Variants in SMARCD2 observed in about 807,000 individuals in gnomAD.
SMARCD2 encodes SWI/SNF-related matrix-associated actin-dependent regulator of chromatin subfamily D member 2.
Under a neutral mutation model 70.4 loss-of-function variants are expected in SMARCD2, and 39 were observed. The ratio of observed to expected loss-of-function variants is 0.55; its 90% CI spans 0.43 to 0.72. SMARCD2 has a LOEUF of 0.72. SMARCD2 is among the 30% of genes least tolerant of loss of function. The pLI is 0.00. For missense variants in SMARCD2, 540 were observed against 713.4 expected, an observed-to-expected ratio of 0.76 and a Z score of 2.77; for synonymous variants, 249 against 279.4, an observed-to-expected ratio of 0.89 and a Z score of 1.08.
chr17:63,834,932 T>A lies in SMARCD2; in HGVS notation c.724-132A>T, dbSNP rs545351238. On this transcript the variant is annotated intron_variant, in intron 5 of 12. Transcript: ENST00000448276. This position sits in a 1 kb window ranked among gnomAD's most constrained non-coding sequence, Gnocchi z 5.6. ...CTGAAGATTCCTGGGCCCTGAAGGA[T>A]GGAAGCAGGACTCTGGGCAGACTGG... 6 of 677,710 alleles carry A rather than the reference T, an allele frequency of 8.9e-6. No individual in the cohort carries two copies. In the East Asian group the frequency reaches 1.6e-4, roughly 18 times the overall value. 42.0% of individuals were successfully genotyped at this position (677,710 alleles called of 1,614,324 possible). A position where few individuals can be genotyped will look rare whatever the true frequency, so the allele number is the denominator to read the frequency against.
Position 63,836,916 on chromosome 17 carries a change from A to T in SMARCD2, c.567+6T>A. On this transcript the variant is annotated splice_donor_region_variant and intron_variant, in intron 4 of 12. Coordinates refer to ENST00000448276, the MANE Select transcript of SMARCD2 (RefSeq NM_001098426.2). ...GAAGGCTAGAGGTGGTCAGGGCCACACATACTGTCAGAGGCTTTTTGATGG... is the reference window on the plus strand; with the variant it reads ...GAAGGCTAGAGGTGGTCAGGGCCACTCATACTGTCAGAGGCTTTTTGATGG... The T allele has an allele frequency of 6.2e-7, 1 of 1,612,544 alleles. No homozygotes were observed. Among genetic ancestry groups the T allele is most frequent in the South Asian group, 1.1e-5 (1 of 91,048 alleles).
rs1481778739 is a variant in SMARCD2, at chr17:63,836,945, C to T, written c.544G>A (p.Glu182Lys). The T allele has an allele frequency of 6.2e-7, 1 of 1,613,888 alleles. No homozygotes were observed. Among genetic ancestry groups the T allele is most frequent in the African/African-American group, 1.3e-5 (1 of 75,052 alleles). The stretch of plus-strand genomic sequence containing the variant: ...ACTGTCAGAGGCTTTTTGATGGCCT[C>T]CTGGATCTCCATCCGCTTGCGAGCA... Reference protein sequence around the residue: ...TIARKRMEIQEAIKKPLTQKR... With the variant: ...TIARKRMEIQKAIKKPLTQKR... Residue 182 changes from glutamate to lysine, a missense_variant, in exon 4 of 13, where the codon GAG becomes AAG. Physicochemically the swap from Glu to Lys is moderately conservative, Grantham distance 56 (BLOSUM62 1). Coordinates refer to ENST00000448276, the MANE Select transcript of SMARCD2 (RefSeq NM_001098426.2).
Position 63,836,518 on chromosome 17 carries a change from A to G in SMARCD2, c.567+404T>C, listed in dbSNP as rs796130294. On this transcript the variant is annotated intron_variant, in intron 4 of 12. Coordinates refer to ENST00000448276, the MANE Select transcript of SMARCD2 (RefSeq NM_001098426.2). The stretch of plus-strand genomic sequence containing the variant: ...CATCTCAGAAAAAAAAAAAAAAAAA[A>G]AAAAGAAAATTTCTCTATGGATGGG... Among the ~76,000 whole-genome samples the G allele has an allele frequency of 8.8e-3, 1,329 of 151,574 alleles. 19 individuals are homozygous for G. Among genetic ancestry groups the G allele is most frequent in the African/African-American group, 0.029 (1,191 of 41,210 alleles).
intron 1 of SMARCD2, among the ~76,000 whole-genome samples, chr17:63,840,090 C>A (rs1598360769): frequency 6.6e-6 from 1 of 151,814 alleles, no homozygotes; most frequent in South Asian, 2.1e-4. Context: ...GATCATGTCA[C>A]TGCACTCCAG....
intron 1 of SMARCD2, chr17:63,838,663 C>T (rs1459333746): frequency 6.8e-7 from 1 of 1,463,680 alleles, no homozygotes; most frequent in African/African-American, 1.4e-5. Context: ...GTCACCTCCA[C>T]CCCCACCCGC....
rs1130101 is a variant in SMARCD2 at position 63,834,718 on chromosome 17, T to C, written c.806A>G (p.Asn269Ser). The C allele has an allele frequency of 1.1e-5, 18 of 1,612,300 alleles. No individual in the cohort carries two copies. The highest frequency in any genetic ancestry group is 1.1e-4 in the African/African-American group (8 of 74,892). ...GCCCACTCTCACCTCCACCAGGTGA[T>C]TGTCAGGCCCGTACAGCTCCTTGTC... ...ELDKELYGPD[N>S]HLVEWHRMPT... The change falls in exon 6 of 13, where the codon AAT becomes AGT. Residue 269 changes from asparagine to serine, a missense_variant. Transcript: ENST00000448276. The surrounding 1 kb of genome is among the most constrained non-coding windows in gnomAD (Gnocchi z 5.6).
chr17:63,839,934 C>T (rs1904384118), intron 1 of SMARCD2, among the ~76,000 whole-genome samples: 1 of 152,116 alleles, frequency 6.6e-6, no homozygotes, highest in Non-Finnish European at 1.5e-5. Context: ...CGAGACCATC[C>T]TGGCCAAGAT....
At chr17:63,838,625 C>T in intron 1 of SMARCD2, 2 of 1,497,386 alleles carry the variant, frequency 1.3e-6, no homozygotes, top group African/African-American at 1.4e-5. Flanking sequence ...GCCTTGCTCC[C>T]TGACATTTCT....
chr17:63,833,144 A>C lies in SMARCD2; in HGVS notation c.1467T>G (p.Pro489=), dbSNP rs1191062391. ...LKIITDVIGN[P]EEERRAAFYH... Reference sequence around the variant, plus strand: ...AGAAAGCAGCTCGTCTCTCCTCCTCAGGATTTCCAATCACATCAGTGATGA... The same window carrying C: ...AGAAAGCAGCTCGTCTCTCCTCCTCCGGATTTCCAATCACATCAGTGATGA... The change falls in exon 12 of 13, where the codon CCT becomes CCG. Residue 489 remains proline, a synonymous_variant. Coordinates refer to ENST00000448276, the MANE Select transcript of SMARCD2 (RefSeq NM_001098426.2). The surrounding 1 kb of genome is among the most constrained non-coding windows in gnomAD (Gnocchi z 4.3). The C allele has an allele frequency of 5.6e-6, 9 of 1,608,374 alleles. No individual in the cohort carries two copies. Among genetic ancestry groups the C allele is most frequent in the Non-Finnish European group, 6.8e-6 (8 of 1,177,268 alleles).
At position 63,833,458 on chromosome 17, in the gene SMARCD2, C is replaced by CT; in HGVS notation, c.1318-39dup. 2 of 1,611,754 alleles carry CT rather than the reference C, an allele frequency of 1.2e-6. No homozygotes were observed. Among genetic ancestry groups the CT allele is most frequent in the Non-Finnish European group, 1.7e-6 (2 of 1,178,334 alleles). On this transcript the variant is annotated intron_variant, in intron 10 of 12. Transcript: ENST00000448276. This position sits in a 1 kb window ranked among gnomAD's most constrained non-coding sequence, Gnocchi z 4.3. ...CCTGTGTCAGACTGTGCCCCCAAAGCTTACATGCAAGCAACTGAGCCAGAG... is the reference window on the plus strand; with the variant it reads ...CCTGTGTCAGACTGTGCCCCCAAAGCTTTACATGCAAGCAACTGAGCCAGAG...
At position 63,833,764 on chromosome 17, in the gene SMARCD2, C is replaced by A; in HGVS notation, c.1182-42G>T. ...GGGAGGGAAGGCACATAGCTGACTT[C>A]ATCCTGCCCACCTGGGCCAAATCTG... On this transcript the variant is annotated intron_variant, in intron 9 of 12. Transcript: ENST00000448276. The surrounding 1 kb of genome is among the most constrained non-coding windows in gnomAD (Gnocchi z 4.3). The A allele has an allele frequency of 6.2e-7, 1 of 1,612,278 alleles. No individual in the cohort carries two copies. The highest frequency in any genetic ancestry group is 1.1e-5 in the South Asian group (1 of 91,052).
At position 63,837,842 on chromosome 17, in the gene SMARCD2, C is replaced by T. The variant is rs189953496; in HGVS notation, c.217-217G>A. On this transcript the variant is annotated intron_variant, in intron 1 of 12. Coordinates refer to ENST00000448276, the MANE Select transcript of SMARCD2 (RefSeq NM_001098426.2). This position sits in a 1 kb window ranked among gnomAD's most constrained non-coding sequence, Gnocchi z 6.4. Reference sequence around the variant, plus strand: ...GCAACCGCCCTGGCAGCCATGCCAGCGAATGAGGCCTGCCAGAACCTGGGC... The same window carrying T: ...GCAACCGCCCTGGCAGCCATGCCAGTGAATGAGGCCTGCCAGAACCTGGGC... 1.2e-4 allele frequency among the ~76,000 whole-genome samples: 19 copies of T among 152,250 alleles called. No homozygotes were observed. The East Asian group carries it at 2.9e-3, about 23-fold the overall frequency.
At chr17:63,840,132 A>C (rs191562882) in intron 1 of SMARCD2, among the ~76,000 whole-genome samples, 1 of 151,744 alleles carries the variant, frequency 6.6e-6, no homozygotes, top group Admixed American at 6.6e-5. Context: ...CCGTATCAGA[A>C]AAAAAAAAAT....
rs372206738 is a variant in SMARCD2, at chr17:63,833,201, T to A, written c.1441-31A>T. 8 of 1,609,406 alleles carry A rather than the reference T, an allele frequency of 5.0e-6. No homozygotes were observed. In the African/African-American group the frequency reaches 1.1e-4, roughly 21 times the overall value. ...AAGAGCCAGGAGGAAAGCCATAGCA[T>A]AATCCCCACCCCTGGGCTAATCCAC... On this transcript the variant is annotated intron_variant, in intron 11 of 12. Coordinates refer to ENST00000448276, the MANE Select transcript of SMARCD2 (RefSeq NM_001098426.2). This position sits in a 1 kb window ranked among gnomAD's most constrained non-coding sequence, Gnocchi z 4.3.
In SMARCD2 at chr17:63,837,676, G is replaced by A. The variant is rs533261074; in HGVS notation, c.217-51C>T. 80 of 1,490,588 alleles carry A rather than the reference G, an allele frequency of 5.4e-5. No homozygotes were observed. The East Asian group carries it at 7.0e-4, about 13-fold the overall frequency. The allele number at this position is 1,490,588 out of a possible 1,614,324, so 92.3% of individuals were successfully genotyped here. Reference sequence around the variant, plus strand: ...GCATAGGTCAGGGGCAAGGCCCTCCGGGACCCATAGCCCATGCCCTCCATC... The same window carrying A: ...GCATAGGTCAGGGGCAAGGCCCTCCAGGACCCATAGCCCATGCCCTCCATC... On this transcript the variant is annotated intron_variant, in intron 1 of 12. Transcript: ENST00000448276. This position sits in a 1 kb window ranked among gnomAD's most constrained non-coding sequence, Gnocchi z 6.4.
intron 1 of SMARCD2, chr17:63,838,876 C>G: frequency 8.0e-7 from 1 of 1,245,198 alleles, no homozygotes; most frequent in Non-Finnish European, 1.0e-6. Context: ...TCTTCCCCAA[C>G]CTCTTCATCC....
At chr17:63,839,993 G>A (rs1403292539) in intron 1 of SMARCD2, among the ~76,000 whole-genome samples, 1 of 152,128 alleles carries the variant, frequency 6.6e-6, no homozygotes, top group Non-Finnish European at 1.5e-5. Context: ...GCCGGGCGTG[G>A]TGGTGGGCGC....
intron 1 of SMARCD2, chr17:63,838,651 GA>G: frequency 6.7e-7 from 1 of 1,492,258 alleles, no homozygotes; most frequent in Non-Finnish European, 8.9e-7. Flanking sequence ...GCCCATCTGG[GA>G]GTCACCTCCA....
chr17:63,832,350 T>G lies in SMARCD2; in HGVS notation c.*588A>C, dbSNP rs1032619762. The G allele has an allele frequency of 1.2e-5, 3 of 248,192 alleles. No individual in the cohort carries two copies. Among genetic ancestry groups the G allele is most frequent in the East Asian group, 1.7e-4 (2 of 11,610 alleles). The allele number at this position is 248,192 out of a possible 1,614,324, so 15.4% of individuals were successfully genotyped here. A position where few individuals can be genotyped will look rare whatever the true frequency, so the allele number is the denominator to read the frequency against. On this transcript the variant is annotated 3_prime_UTR_variant, in exon 13 of 13. Coordinates refer to ENST00000448276, the MANE Select transcript of SMARCD2 (RefSeq NM_001098426.2). ...GGCGGCCAGAGCCGCTTGCATAGAT[T>G]GAGGAAAGAAAAGAAGGAGGCACCT...
Sources: gnomAD v4.1 joint callset for allele counts (sites outside exome capture counted in the v4.1 genomes callset) on GRCh38, gnomAD v4.1.1 for gene constraint, Gnocchi (gnomAD v3.1) non-coding constraint, MANE v1.5 for transcripts, NCBI Gene and HGNC (gene_info 2026-07-23, HGNC 2026-07-21) for gene names.